NEK10: variants seen among roughly 807,000 people sequenced by gnomAD.
The protein encoded by NEK10 is serine/threonine-protein kinase Nek10.
In NEK10, 122 loss-of-function variants were observed where a neutral mutation model predicts 159.8. That is an observed-to-expected ratio of 0.76 (90% CI 0.66 to 0.89). The LOEUF (loss-of-function observed/expected upper bound fraction) is 0.89. Among genes scored for constraint, NEK10 ranks in the 40% least tolerant of loss-of-function variants. The pLI is 0.00. For missense variants in NEK10, 1,342 were observed against 1,323.1 expected (o/e 1.01, Z -0.22); for synonymous variants, 466 against 457.1 (o/e 1.02, Z -0.25).
intron 30 of NEK10, chr3:27,143,560 TA>T (rs1310074323): frequency 1.3e-5 from 9 of 672,120 alleles, no homozygotes; most frequent in African/African-American, 1.2e-4. Context: ...AAATTATTTT[TA>T]TTGAGACCCT....
chr3:27,224,904 C>T (rs1952470854), intron 23 of NEK10, among the ~76,000 whole-genome samples: 1 of 152,158 alleles, frequency 6.6e-6, no homozygotes, highest in African/African-American at 2.4e-5. Context: ...CACAAAATGT[C>T]ACTTGTTACT....
chr3:27,206,636 C>A (rs890283564), intron 23 of NEK10: 2 of 985,200 alleles, frequency 2.0e-6, no homozygotes, highest in African/African-American at 3.5e-5. Flanking sequence ...TGGTAACTCG[C>A]AGACCTAATT....
intron 29 of NEK10, 139 bp from the exon 30 acceptor site, chr3:27,162,877 T>A: frequency 9.1e-7 from 1 of 1,098,144 alleles, no homozygotes; most frequent in Non-Finnish European, 1.3e-6. Context: ...AGAGTTTAAT[T>A]AAGAGGGAAA....
In NEK10 at chr3:27,317,851, G is replaced by A. The variant is rs1343039579; in HGVS notation, c.448-3513C>T. On this transcript the variant is annotated intron_variant, in intron 6 of 35. Transcript: ENST00000691995. ...AGAGTCTCCCTCTGTTGCCCAGGCT[G>A]GAGTGCAGTGGCGCGATCTTGGCTC... Among the ~76,000 whole-genome samples the A allele has an allele frequency of 2.0e-5, 3 of 152,142 alleles. No homozygotes were observed. In the East Asian group the frequency reaches 5.8e-4, roughly 29 times the overall value.
intron 5 of NEK10, among the ~76,000 whole-genome samples, chr3:27,335,291 G>A (rs567386332): frequency 6.5e-4 from 97 of 148,898 alleles, no homozygotes; most frequent in Admixed American, 9.3e-4. Flanking sequence ...AGTGAGCCGA[G>A]AATGCACCAT....
At chr3:27,146,235 C>G (rs577673840) in intron 30 of NEK10, among the ~76,000 whole-genome samples, 1 of 152,144 alleles carries the variant, frequency 6.6e-6, no homozygotes, top group Non-Finnish European at 1.5e-5. Context: ...TGACACTTGA[C>G]ACTTGACACA....
At position 27,116,126 on chromosome 3, in the gene NEK10, A is replaced by T. The variant is rs772753249; in HGVS notation, c.3192T>A (p.Gly1064=). 1 of 1,613,280 alleles carries T rather than the reference A, an allele frequency of 6.2e-7. No homozygotes were observed. The highest frequency in any genetic ancestry group is 1.1e-5 in the South Asian group (1 of 91,038). ...CCTCCAATTCAATGCTGGTTGGTAA[A>T]CCTAAAAAAGATAAATTATGGAAAG... The part of the protein sequence containing the change: ...GNSLSPNDPT[G]LPTSIELEEG... The change falls in exon 34 of 36, where the codon GGT becomes GGA. Residue 1064 remains glycine, a splice_region_variant and synonymous_variant. Transcript: ENST00000691995.
chr3:27,250,251 A>T (rs765559905), intron 23 of NEK10, among the ~76,000 whole-genome samples: 44 of 150,916 alleles, frequency 2.9e-4, no homozygotes, highest in Admixed American at 6.6e-5. Context: ...CAGTAGCACG[A>T]TCTCCACTCA....
chr3:27,271,081 C>A (rs1017119272), intron 22 of NEK10, among the ~76,000 whole-genome samples: 3 of 152,016 alleles, frequency 2.0e-5, no homozygotes, highest in African/African-American at 4.8e-5. Flanking sequence ...TCTTTTAATA[C>A]ATGTATATGT....
chr3:27,200,876 G>C (rs1949982617), intron 25 of NEK10, among the ~76,000 whole-genome samples: 1 of 152,138 alleles, frequency 6.6e-6, no homozygotes, highest in Non-Finnish European at 1.5e-5. Context: ...AGTCTAGAAG[G>C]AGGGTGCATG....
In NEK10 at chr3:27,344,301, G is replaced by A. The variant is rs150437265; in HGVS notation, c.333C>T (p.Thr111=). 34 of 1,595,036 alleles carry A rather than the reference G, an allele frequency of 2.1e-5. No homozygotes were observed. Among genetic ancestry groups the A allele is most frequent in the African/African-American group, 1.2e-4 (9 of 74,734 alleles). The stretch of plus-strand genomic sequence containing the variant: ...TTATGAGTCTATTTTTCACCAAGGC[G>A]GTAAAGATCTCCTGAAATAGTTTAC... ...PQRKLFQEIF[T]ALVKNRLISR... is the part of the protein sequence containing the mutation. The change falls in exon 5 of 36, where the codon ACC becomes ACT. Residue 111 remains threonine, a synonymous_variant. Coordinates refer to ENST00000691995, the MANE Select transcript of NEK10 (RefSeq NM_001394966.1).
intron 25 of NEK10, among the ~76,000 whole-genome samples, chr3:27,195,234 T>C (rs1163330499): frequency 2.0e-5 from 3 of 152,246 alleles, no homozygotes; most frequent in African/African-American, 7.2e-5. Context: ...TACTAAAGAT[T>C]GGCTGTGAGC....
At chr3:27,255,218 A>C (rs907009833) in intron 23 of NEK10, 3 of 323,272 alleles carry the variant, frequency 9.3e-6, no homozygotes, top group African/African-American at 6.5e-5. Context: ...CTTACTGTTA[A>C]GAGGATAAGT....
chr3:27,321,764 A>T (rs2045658159), intron 6 of NEK10, among the ~76,000 whole-genome samples: 1 of 152,168 alleles, frequency 6.6e-6, no homozygotes, highest in South Asian at 2.1e-4. Context: ...AGCAGCTAGT[A>T]AAGCTCCATT....
intron 5 of NEK10, among the ~76,000 whole-genome samples, chr3:27,326,221 GA>G (rs1448929112): frequency 1.6e-4 from 24 of 152,334 alleles, no homozygotes; most frequent in African/African-American, 5.3e-4. Flanking sequence ...TAATTAGGAA[GA>G]GGGCACATGA....
At chr3:27,254,012 G>T (rs1955923413) in intron 23 of NEK10, among the ~76,000 whole-genome samples, 1 of 151,992 alleles carries the variant, frequency 6.6e-6, no homozygotes, top group Non-Finnish European at 1.5e-5. Flanking sequence ...CCCTCAGTCA[G>T]ATGCTGAGGG....
chr3:27,195,752 G>A (rs62255255), intron 25 of NEK10, among the ~76,000 whole-genome samples: 4,311 of 152,166 alleles, frequency 0.028, 90 homozygotes, highest in African/African-American at 0.035. Flanking sequence ...GAAACTTTTC[G>A]CCAATTCCCA....
chr3:27,267,657 G>A (rs1438589907), intron 22 of NEK10, among the ~76,000 whole-genome samples: 1 of 152,128 alleles, frequency 6.6e-6, no homozygotes. Flanking sequence ...TGTGCATCCT[G>A]ACTGCTACAT....
chr3:27,227,075 T>C lies in NEK10; in HGVS notation c.2091-24518A>G, dbSNP rs182650037. 1.5e-3 allele frequency among the ~76,000 whole-genome samples: 225 copies of C among 152,350 alleles called. 1 individual carries two copies. Among genetic ancestry groups the C allele is most frequent in the African/African-American group, 5.3e-3 (220 of 41,590 alleles). On this transcript the variant is annotated intron_variant, in intron 23 of 35. Transcript: ENST00000691995. ...ATTTATTCATTCATTCATTTATTCA[T>C]TGAACAAGCATTTTCTGAGCACTTG...
Sources: allele counts gnomAD v4.1 joint callset (sites outside exome capture counted in the v4.1 genomes callset), GRCh38; gene constraint gnomAD v4.1.1; transcripts MANE v1.5; gene names NCBI Gene and HGNC (gene_info 2026-07-23, HGNC 2026-07-21).